The following SCAND3 variants were observed in gnomAD, a reference collection of about 807,000 sequenced individuals.
SCAND3 encodes SCAN domain containing 3.
the SCAND3 span, among the ~76,000 whole-genome samples, chr6:28,607,283 T>C: frequency 6.6e-6 from 1 of 152,154 alleles, no homozygotes; most frequent in South Asian, 2.1e-4. Flanking sequence ...CCACTTTCCT[T>C]TCTCCCTCCC....
At chr6:28,580,976 T>C in the SCAND3 span, among the ~76,000 whole-genome samples, 1 of 152,138 alleles carries the variant, frequency 6.6e-6, no homozygotes, top group Admixed American at 6.5e-5. Flanking sequence ...AAAACTGAAG[T>C]TACTTCAAAC....
the SCAND3 span, among the ~76,000 whole-genome samples, chr6:28,610,169 A>G: frequency 2.0e-5 from 3 of 152,144 alleles, no homozygotes; most frequent in Admixed American, 1.3e-4. Context: ...TTTTCCCCCC[A>G]GGTTTTTAAA....
At chr6:28,607,257 T>C in the SCAND3 span, among the ~76,000 whole-genome samples, 1 of 152,158 alleles carries the variant, frequency 6.6e-6, no homozygotes, top group Non-Finnish European at 1.5e-5. Context: ...CTTTCTCCTC[T>C]CAATGGACCG....
chr6:28,599,897 T>A, the SCAND3 span, among the ~76,000 whole-genome samples: 5 of 152,026 alleles, frequency 3.3e-5, no homozygotes, highest in Non-Finnish European at 5.9e-5. Context: ...CATGATTTTT[T>A]AACAAATTTT....
At chr6:28,607,753 C>T in the SCAND3 span, among the ~76,000 whole-genome samples, 1 of 152,006 alleles carries the variant, frequency 6.6e-6, no homozygotes, top group Non-Finnish European at 1.5e-5. Flanking sequence ...TGGGGTGCCT[C>T]CCAAGTCTAA....
the SCAND3 span, among the ~76,000 whole-genome samples, chr6:28,607,181 C>T: frequency 5.9e-5 from 9 of 152,006 alleles, no homozygotes; most frequent in African/African-American, 2.2e-4. Context: ...TGGTAGAGCG[C>T]GTGCTTAGCA....
chr6:28,604,633 AT>A, the SCAND3 span, among the ~76,000 whole-genome samples: 6 of 145,852 alleles, frequency 4.1e-5, no homozygotes, highest in South Asian at 2.2e-4. Context: ...AAAAAAAAAA[AT>A]TTAACTATTA....
chr6:28,598,876 C>CAAAAAAAAAAA, the SCAND3 span, among the ~76,000 whole-genome samples: 5 of 74,302 alleles, frequency 6.7e-5, no homozygotes, highest in African/African-American at 1.9e-4. Context: ...GACTATGTCT[C>CAAAAAAAAAAA]AAAAAAAAAA....
chr6:28,604,410 A>C, the SCAND3 span, among the ~76,000 whole-genome samples: 1 of 152,036 alleles, frequency 6.6e-6, no homozygotes, highest in South Asian at 2.1e-4. Flanking sequence ...TAAGGTCAGG[A>C]GTTCAAGACC....
chr6:28,615,379 C>G, the SCAND3 span, among the ~76,000 whole-genome samples: 2 of 152,006 alleles, frequency 1.3e-5, no homozygotes, highest in Admixed American at 6.6e-5. Context: ...TTTGAGAGGC[C>G]GAGGTGGGCG....
the SCAND3 span, among the ~76,000 whole-genome samples, chr6:28,595,196 A>T: frequency 1.4e-5 from 1 of 69,442 alleles, no homozygotes; most frequent in African/African-American, 1.0e-4. Context: ...CGTCACTACC[A>T]AAAAAAAAAA....
chr6:28,600,062 G>A, the SCAND3 span, among the ~76,000 whole-genome samples: 2 of 152,004 alleles, frequency 1.3e-5, no homozygotes, highest in African/African-American at 2.4e-5. Flanking sequence ...GAAAATCTAG[G>A]TAGCGTTGGC....
At chr6:28,596,425 T>TTATGTAA in the SCAND3 span, among the ~76,000 whole-genome samples, 1 of 152,034 alleles carries the variant, frequency 6.6e-6, no homozygotes, top group Admixed American at 6.5e-5. Flanking sequence ...AATATATATG[T>TTATGTAA]TATGTAATAT....
the SCAND3 span, among the ~76,000 whole-genome samples, chr6:28,613,845 G>A: frequency 1.3e-5 from 2 of 152,060 alleles, no homozygotes; most frequent in East Asian, 3.9e-4. Context: ...CCAAGTATAA[G>A]CACACTAGCA....
chr6:28,575,116 C>CG, the SCAND3 span: 1 of 1,614,128 alleles, frequency 6.2e-7, no homozygotes, highest in Non-Finnish European at 8.5e-7. The surrounding 1 kb of genome is among the most constrained non-coding windows in gnomAD (Gnocchi z 4.2). Context: ...ATGGGACAAG[C>CG]CCAGTTTAGC....
At chr6:28,607,266 C>G in the SCAND3 span, among the ~76,000 whole-genome samples, 5 of 152,066 alleles carry the variant, frequency 3.3e-5, no homozygotes, top group Non-Finnish European at 5.9e-5. Context: ...CTCAATGGAC[C>G]GCCTTTCCAC....
the SCAND3 span, among the ~76,000 whole-genome samples, chr6:28,610,365 T>C: frequency 1.3e-5 from 2 of 151,752 alleles, no homozygotes; most frequent in Non-Finnish European, 2.9e-5. Context: ...CTACTAAAAA[T>C]ACAACAAATT....
the SCAND3 span, chr6:28,571,786 A>G: frequency 5.2e-5 from 66 of 1,264,424 alleles, no homozygotes; most frequent in Non-Finnish European, 6.8e-5. Flanking sequence ...TGTTTCACTC[A>G]TAACTTCTCA....
chr6:28,589,170 T>C, the SCAND3 span: 1 of 152,230 alleles, frequency 6.6e-6, no homozygotes, highest in African/African-American at 2.4e-5. Context: ...AGCTAATTTA[T>C]GCTCCCAACA....
Sources: allele counts gnomAD v4.1 joint callset (sites outside exome capture counted in the v4.1 genomes callset), GRCh38; gene constraint gnomAD v4.1.1; non-coding constraint Gnocchi (gnomAD v3.1); transcripts MANE v1.5; gene names NCBI Gene and HGNC (gene_info 2026-07-23, HGNC 2026-07-21).